Variants in ARHGAP39 observed in about 807,000 individuals in gnomAD.
The protein encoded by ARHGAP39 is Rho GTPase activating protein 39, also known as rho GTPase-activating protein 39.
ARHGAP39 carries 44 observed loss-of-function variants against 106.9 expected under a neutral mutation model. The observed-to-expected ratio is 0.41, with a 90% CI of 0.32 to 0.53. The LOEUF is 0.53. Among genes scored for constraint, ARHGAP39 ranks in the 20% least tolerant of loss-of-function variants. The probability of loss-of-function intolerance (pLI) is 0.21; values close to 1 mark genes in which losing one functional copy is unlikely to be tolerated. For missense variants in ARHGAP39, 1,496 were observed against 1,577.3 expected, an observed-to-expected ratio of 0.95 and a Z score of 0.87; for synonymous variants, 768 against 693.2, an observed-to-expected ratio of 1.11 and a Z score of -1.69.
rs1437000658 is a variant in ARHGAP39, at chr8:144,670,906, G to A, written c.-82+14780C>T. ...CACTGACCGGCACTCAGTTATCCAT[G>A]GAATGGATGACCAGAAAGGCACGAC... On this transcript the variant is annotated intron_variant, in intron 1 of 11. Transcript: ENST00000377307. This position sits in a 1 kb window ranked among gnomAD's most constrained non-coding sequence, Gnocchi z 4.4. Among the ~76,000 whole-genome samples the A allele has an allele frequency of 6.6e-6, 1 of 152,134 alleles. No homozygotes were observed. The highest frequency in any genetic ancestry group is 1.9e-4 in the East Asian group (1 of 5,198).
chr8:144,604,178 G>GC lies in ARHGAP39; in HGVS notation c.80+1356dup, dbSNP rs1276070039. 1.3e-5 allele frequency among the ~76,000 whole-genome samples: 2 copies of GC among 152,162 alleles called. No homozygotes were observed. The highest frequency in any genetic ancestry group is 2.9e-5 in the Non-Finnish European group (2 of 68,022). On this transcript the variant is annotated intron_variant, in intron 2 of 11. Coordinates refer to ENST00000377307, the MANE Select transcript of ARHGAP39 (RefSeq NM_025251.3). This position sits in a 1 kb window ranked among gnomAD's most constrained non-coding sequence, Gnocchi z 4.1. ...TCAGACACGGAGCCGGGCCCAGAGC[G>GC]CCCAGAGGTGGCCGGGAGGCAGCAG...
At chr8:144,697,463 G>C in the ARHGAP39 span, among the ~76,000 whole-genome samples, 1 of 151,960 alleles carries the variant, frequency 6.6e-6, no homozygotes, top group Non-Finnish European at 1.5e-5. Context: ...AATGGCTCTA[G>C]AATTGTATTC....
In ARHGAP39 at chr8:144,545,619, G is replaced by A. The variant is rs1817381435; in HGVS notation, c.2151C>T (p.Ala717=). 1.9e-6 allele frequency: 3 copies of A among 1,613,644 alleles called. No homozygotes were observed. Among genetic ancestry groups the A allele is most frequent in the Non-Finnish European group, 8.5e-7 (1 of 1,180,028 alleles). ...QGLFRRKVSI[A]NMLAWSSESI... ...ACTCGCTGCTCCAGGCCAGCATGTT[G>A]GCGATGGACACCTTCCGCCGGAAGA... Residue 717 remains alanine (A), a synonymous_variant, in exon 6 of 12, where the codon GCC becomes GCT. Transcript: ENST00000377307.
chr8:144,630,998 G>C (rs564377866), intron 1 of ARHGAP39, among the ~76,000 whole-genome samples: 4 of 152,380 alleles, frequency 2.6e-5, no homozygotes, highest in African/African-American at 9.6e-5. Flanking sequence ...TTGGCTTCCG[G>C]GGAGGCCTCA....
chr8:144,695,421 G>A, the ARHGAP39 span, among the ~76,000 whole-genome samples: 3 of 146,752 alleles, frequency 2.0e-5, no homozygotes, highest in South Asian at 4.4e-4. Context: ...TCCTCACCAC[G>A]ACCCTGTTTC....
chr8:144,600,976 GGA>G lies in ARHGAP39; in HGVS notation c.80+4557_80+4558del, dbSNP rs150186022. Among the ~76,000 whole-genome samples, 13 of 144,394 alleles carry G rather than the reference GGA, an allele frequency of 9.0e-5. No individual in the cohort carries two copies. The East Asian group carries it at 2.6e-3, about 29-fold the overall frequency. The allele number at this position is 144,394 out of a possible 152,430, so 94.7% of individuals were successfully genotyped here. A position where few individuals can be genotyped will look rare whatever the true frequency, so the allele number is the denominator to read the frequency against. ...CTCGTATACCTGTGTGCATGTGCGT[GGA>G]GGTGTGTGTGCGAGCTCATGTACCT... On this transcript the variant is annotated intron_variant, in intron 2 of 11. Transcript: ENST00000377307.
intron 6 of ARHGAP39, 137 bp from the exon 7 acceptor site, chr8:144,537,950 T>C: frequency 1.4e-6 from 1 of 728,558 alleles, no homozygotes; most frequent in Non-Finnish European, 2.3e-6. Context: ...GGCTGAGCGT[T>C]TCTGGGGGGA....
intron 4 of ARHGAP39, among the ~76,000 whole-genome samples, chr8:144,549,060 G>A (rs1218408096): frequency 6.6e-6 from 1 of 152,234 alleles, no homozygotes; most frequent in Admixed American, 6.5e-5. Context: ...ACCGCACCTG[G>A]CCAAGGGCAC....
chr8:144,632,170 A>T (rs1489776760), intron 1 of ARHGAP39, among the ~76,000 whole-genome samples: 1 of 152,206 alleles, frequency 6.6e-6, no homozygotes, highest in Non-Finnish European at 1.5e-5. Flanking sequence ...AAACAGTTTC[A>T]CTGCAGTATA....
intron 3 of ARHGAP39, among the ~76,000 whole-genome samples, chr8:144,573,133 C>T (rs1157228968): frequency 6.6e-6 from 1 of 152,150 alleles, no homozygotes; most frequent in East Asian, 1.9e-4. Context: ...AATCTTGCTA[C>T]TAAAAAAGAC....
intron 6 of ARHGAP39, among the ~76,000 whole-genome samples, chr8:144,541,971 GT>G (rs59286612): frequency 0.024 from 3,561 of 146,820 alleles, 116 homozygotes; most frequent in African/African-American, 0.082. Context: ...TCCTTTCTGG[GT>G]TTTTTTTTTT....
intron 1 of ARHGAP39, among the ~76,000 whole-genome samples, chr8:144,639,527 T>C (rs1208568519): frequency 1.3e-5 from 2 of 152,136 alleles, no homozygotes; most frequent in African/African-American, 4.8e-5. Context: ...AGCATCTTTT[T>C]ATTTTTGACA....
In ARHGAP39 at chr8:144,662,462, C is replaced by T. The variant is rs148246633; in HGVS notation, c.-82+23224G>A. Among the ~76,000 whole-genome samples, 943 of 150,268 alleles carry T rather than the reference C, an allele frequency of 6.3e-3. 6 individuals are homozygous for T. Among genetic ancestry groups the T allele is most frequent in the Non-Finnish European group, 0.01 (707 of 67,526 alleles). On this transcript the variant is annotated intron_variant, in intron 1 of 11. Coordinates refer to ENST00000377307, the MANE Select transcript of ARHGAP39 (RefSeq NM_025251.3). ...CGCTACCCGCCTCCCCATTATCCAC[C>T]TTGGGTCACTCCTCCCCTCCCCATT...
intron 1 of ARHGAP39, among the ~76,000 whole-genome samples, chr8:144,682,421 T>A (rs1239367752): frequency 2.0e-5 from 3 of 148,652 alleles, no homozygotes; most frequent in African/African-American, 7.5e-5. Context: ...TGGTGGCAGG[T>A]GCCTGTAGTC....
intron 4 of ARHGAP39, among the ~76,000 whole-genome samples, chr8:144,550,130 C>A (rs887297258): frequency 6.6e-6 from 1 of 151,682 alleles, no homozygotes; most frequent in Non-Finnish European, 1.5e-5. Flanking sequence ...ACCAATTAGC[C>A]GAACATGGTG....
Position 144,545,380 on chromosome 8 carries a change from C to A in ARHGAP39, c.2390G>T (p.Arg797Leu). Residue 797 changes from arginine to leucine, a missense_variant, in exon 6 of 12, where the codon CGC (arginine) becomes CTC (leucine). Around this residue, in one of 4 missense-constraint regions of ARHGAP39, gnomAD observed 470 missense variants for 605.1 expected, o/e 0.78. Transcript: ENST00000377307. The stretch of plus-strand genomic sequence containing the variant: ...CCAGCCGCGGGCCAGGCTCTCCAGG[C>A]GGAAGTTCTCGGTGGTCTGCCGGCA... The part of the protein sequence containing the change: ...QLCRQTTENF[R>L]LESLARGWEL... 4 of 1,598,336 alleles carry A rather than the reference C, an allele frequency of 2.5e-6. No individual in the cohort carries two copies. Among genetic ancestry groups the A allele is most frequent in the Non-Finnish European group, 2.6e-6 (3 of 1,171,370 alleles).
rs1816593092 is a variant in ARHGAP39, at chr8:144,529,853, C to A, written c.*569G>T. The A allele has an allele frequency of 6.6e-6, 1 of 152,292 alleles. No individual in the cohort carries two copies. The highest frequency in any genetic ancestry group is 2.1e-4 in the South Asian group (1 of 4,852). 9.4% of individuals were successfully genotyped at this position (152,292 alleles called of 1,614,324 possible). ...AGGACTTTGGTTTGGGGGCCCCCACCCCACCCACCGAGAGCCTGCCAGGCC... is the reference window on the plus strand; with the variant it reads ...AGGACTTTGGTTTGGGGGCCCCCACACCACCCACCGAGAGCCTGCCAGGCC... On this transcript the variant is annotated 3_prime_UTR_variant, in exon 12 of 12. Coordinates refer to ENST00000377307, the MANE Select transcript of ARHGAP39 (RefSeq NM_025251.3).
chr8:144,668,138 T>C (rs560381775), intron 1 of ARHGAP39, among the ~76,000 whole-genome samples: 1 of 152,234 alleles, frequency 6.6e-6, no homozygotes, highest in East Asian at 1.9e-4. Context: ...TCCTCCCCAT[T>C]TTTTCAGAAA....
intron 1 of ARHGAP39, among the ~76,000 whole-genome samples, chr8:144,608,682 A>T (rs1412662495): frequency 6.6e-6 from 1 of 152,224 alleles, no homozygotes; most frequent in Non-Finnish European, 1.5e-5. Flanking sequence ...TCTATCGATG[A>T]GTAAGAGGAA....
Sources: gnomAD v4.1 joint callset for allele counts (sites outside exome capture counted in the v4.1 genomes callset) on GRCh38, gnomAD v4.1.1 for gene constraint, gnomAD v4.1.1 regional missense constraint, Gnocchi (gnomAD v3.1) non-coding constraint, MANE v1.5 for transcripts, NCBI Gene and HGNC (gene_info 2026-07-23, HGNC 2026-07-21) for gene names.